APPL1: variants seen among roughly 807,000 people sequenced by gnomAD.
The protein encoded by APPL1 is DCC-interacting protein 13-alpha.
In APPL1, 42 loss-of-function variants were observed where a neutral mutation model predicts 106.8. The observed-to-expected ratio is 0.39, with a 90% CI of 0.31 to 0.51. The LOEUF (loss-of-function observed/expected upper bound fraction) is 0.51. Ranked by LOEUF, APPL1 falls within the 20% of genes least tolerant of loss-of-function variation. The pLI, the probability that APPL1 is intolerant of heterozygous loss-of-function variation, is 0.75. For missense variants in APPL1, 769 were observed against 858.2 expected, an observed-to-expected ratio of 0.90 and a Z score of 1.30; for synonymous variants, 263 against 281.8, an observed-to-expected ratio of 0.93 and a Z score of 0.67.
At chr3:57,268,819 A>G (rs1476304527) in intron 21 of APPL1, 1 of 157,878 alleles carries the variant, frequency 6.3e-6, no homozygotes, top group Non-Finnish European at 1.4e-5. Context: ...TGGGGGGGAA[A>G]TAAATAAATA....
intron 1 of APPL1, among the ~76,000 whole-genome samples, chr3:57,231,809 TAA>T (rs375775370): frequency 5.0e-4 from 66 of 132,194 alleles, no homozygotes; most frequent in Admixed American, 7.6e-4. Context: ...CTTTGGCTCT[TAA>T]AAAAAAAAAA....
intron 1 of APPL1, among the ~76,000 whole-genome samples, chr3:57,232,058 C>G (rs2060689499): frequency 6.6e-6 from 1 of 152,158 alleles, no homozygotes; most frequent in Non-Finnish European, 1.5e-5. Flanking sequence ...GCCAGAAAAT[C>G]TTAAGCTTAT....
rs760585473 is a variant in APPL1, at chr3:57,260,811, T to C, written c.1842+37T>C. ...TTCAGAATATCTCTGTCATAACCACTTACTAATTGATTCTTACTAAGATTT... is the reference window on the plus strand; with the variant it reads ...TTCAGAATATCTCTGTCATAACCACCTACTAATTGATTCTTACTAAGATTT... On this transcript the variant is annotated intron_variant, in intron 19 of 21. Transcript: ENST00000288266. The C allele has an allele frequency of 5.3e-6, 8 of 1,506,684 alleles. No homozygotes were observed. The Admixed American group carries it at 1.6e-4, about 29-fold the overall frequency. The allele number at this position is 1,506,684 out of a possible 1,614,324, so 93.3% of individuals were successfully genotyped here.
At chr3:57,256,865 C>A in intron 13 of APPL1, 92 bp from the exon 14 acceptor site, 1 of 986,152 alleles carries the variant, frequency 1.0e-6, no homozygotes. Flanking sequence ...TTAAGTGTAA[C>A]TCAGAAGCAT....
At chr3:57,248,127 T>A (rs1282767032) in intron 9 of APPL1, 66 bp from the exon 10 acceptor site, 1 of 1,493,574 alleles carries the variant, frequency 6.7e-7, no homozygotes, top group Non-Finnish European at 9.0e-7. Flanking sequence ...AATATGCAGG[T>A]AAACATGATT....
chr3:57,247,297 C>T, intron 8 of APPL1, 98 bp from the exon 9 acceptor site: 2 of 657,950 alleles, frequency 3.0e-6, no homozygotes, highest in Non-Finnish European at 5.2e-6. Flanking sequence ...TTGTTTTTTA[C>T]TTAACCATGT....
At position 57,259,938 on chromosome 3, in the gene APPL1, G is replaced by A. The variant is rs551759110; in HGVS notation, c.1577G>A (p.Arg526His). 18 of 1,613,804 alleles carry A rather than the reference G, an allele frequency of 1.1e-5. No homozygotes were observed. The highest frequency in any genetic ancestry group is 1.4e-5 in the Non-Finnish European group (17 of 1,179,946). The change falls in exon 17 of 22, where the codon CGC becomes CAC. Residue 526 changes from arginine (R) to histidine (H), a missense_variant. Transcript: ENST00000288266. ...DHPDVVYETM[R>H]QILAARAIHN... The stretch of plus-strand genomic sequence containing the variant: ...CCAGATGTTGTTTATGAAACTATGC[G>A]CCAAATCTTAGCTGCCCGGGCCATC...
intron 13 of APPL1, among the ~76,000 whole-genome samples, chr3:57,254,478 G>T (rs936589614): frequency 6.6e-6 from 1 of 152,194 alleles, no homozygotes; most frequent in African/African-American, 2.4e-5. Flanking sequence ...TAAGATCAGT[G>T]TGGACTTTAG....
chr3:57,261,548 T>C (rs1476448018), intron 19 of APPL1, among the ~76,000 whole-genome samples: 1 of 152,156 alleles, frequency 6.6e-6, no homozygotes, highest in Non-Finnish European at 1.5e-5. Context: ...AGACGGAGTT[T>C]CACTCTGTCG....
intron 19 of APPL1, among the ~76,000 whole-genome samples, chr3:57,265,256 C>A (rs1383332136): frequency 2.0e-5 from 3 of 152,100 alleles, no homozygotes; most frequent in Non-Finnish European, 4.4e-5. Flanking sequence ...TCAAGTAATT[C>A]TCATGCCTCA....
intron 2 of APPL1, among the ~76,000 whole-genome samples, chr3:57,237,007 T>A (rs1314285845): frequency 6.6e-6 from 1 of 152,224 alleles, no homozygotes; most frequent in Non-Finnish European, 1.5e-5. Context: ...ATGATTAATA[T>A]GTTAAAGAAA....
At chr3:57,264,938 T>C (rs1009717008) in intron 19 of APPL1, among the ~76,000 whole-genome samples, 2 of 152,272 alleles carry the variant, frequency 1.3e-5, no homozygotes, top group East Asian at 3.9e-4. Context: ...CTGAATCTTT[T>C]ATGATTCCAT....
rs775903741 is a variant in APPL1 at position 57,249,342 on chromosome 3, T to C, written c.864-18T>C. 3 of 1,613,742 alleles carry C rather than the reference T, an allele frequency of 1.9e-6. No homozygotes were observed. In the East Asian group the frequency reaches 6.7e-5, roughly 36 times the overall value. ...AGGTATGTTGTTATTAAAGAGTGAA[T>C]GTGCTTTCTTCATTCAGTAAAACAG... On this transcript the variant is annotated intron_variant, in intron 10 of 21. Transcript: ENST00000288266.
chr3:57,269,432 A>G, intron 21 of APPL1, 109 bp from the exon 22 acceptor site: 2 of 1,114,264 alleles, frequency 1.8e-6, no homozygotes, highest in Admixed American at 2.5e-5. Flanking sequence ...AGAAGTATGC[A>G]TACATATTTA....
chr3:57,269,564 G>A lies in APPL1; in HGVS notation c.2007G>A (p.Leu669=). 1 of 1,614,028 alleles carries A rather than the reference G, an allele frequency of 6.2e-7. No homozygotes were observed. Among genetic ancestry groups the A allele is most frequent in the Non-Finnish European group, 8.5e-7 (1 of 1,179,972 alleles). ...AGGACTTGGAAGAACAAAGTCGGTTGATAGCTGCTTCCAGTAGACCAAACC... is the reference window on the plus strand; with the variant it reads ...AGGACTTGGAAGAACAAAGTCGGTTAATAGCTGCTTCCAGTAGACCAAACC... ...IEKDLEEQSR[L]IAASSRPNQA... is the part of the protein sequence containing the mutation. Residue 669 remains leucine, a synonymous_variant, in exon 22 of 22, where the codon TTG becomes TTA. Transcript: ENST00000288266.
chr3:57,229,538 T>C (rs1232984828), intron 1 of APPL1, among the ~76,000 whole-genome samples: 1 of 151,926 alleles, frequency 6.6e-6, no homozygotes, highest in Non-Finnish European at 1.5e-5. Flanking sequence ...ATTTGTTTGT[T>C]TTTTGAGATG....
chr3:57,262,385 CTTTTTTT>C (rs373526618), intron 19 of APPL1, among the ~76,000 whole-genome samples: 8 of 29,058 alleles, frequency 2.8e-4, no homozygotes, highest in East Asian at 1.6e-3. Context: ...GGAAAATAAC[CTTTTTTT>C]TTTTTTTTTT....
chr3:57,245,548 G>T (rs4681727), intron 7 of APPL1, among the ~76,000 whole-genome samples: 60,344 of 134,374 alleles, frequency 0.45, 13,783 homozygotes, highest in East Asian at 0.85. Flanking sequence ...TCAATATGCA[G>T]TTTTTTTTTT....
rs537062078 is a variant in APPL1, at chr3:57,260,835, TTAA to T, written c.1842+69_1842+71del. ...CTTACTAATTGATTCTTACTAAGATTTAATAATAATTAAATTCTTACAAATTAA... is the reference window on the plus strand; with the variant it reads ...CTTACTAATTGATTCTTACTAAGATTTAATAATTAAATTCTTACAAATTAA... On this transcript the variant is annotated intron_variant, in intron 19 of 21. Transcript: ENST00000288266. 5,317 of 1,392,922 alleles carry T rather than the reference TTAA, an allele frequency of 3.8e-3. 19 individuals are homozygous for T. The highest frequency in any genetic ancestry group is 4.6e-3 in the Non-Finnish European group (4,772 of 1,047,040). 86.3% of individuals were successfully genotyped at this position (1,392,922 alleles called of 1,614,324 possible). A position where few individuals can be genotyped will look rare whatever the true frequency, so the allele number is the denominator to read the frequency against.
Sources: allele counts gnomAD v4.1 joint callset (sites outside exome capture counted in the v4.1 genomes callset), GRCh38; gene constraint gnomAD v4.1.1; transcripts MANE v1.5; gene names NCBI Gene and HGNC (gene_info 2026-07-23, HGNC 2026-07-21).